Variants in KCNH8 observed in about 807,000 individuals in gnomAD.
The protein encoded by KCNH8 is voltage-gated delayed rectifier potassium channel KCNH8.
KCNH8 carries 70 observed loss-of-function variants against 103.6 expected under a neutral mutation model. The observed-to-expected ratio is 0.68, with a 90% CI of 0.56 to 0.82. The LOEUF (loss-of-function observed/expected upper bound fraction) is 0.82. Ranked by LOEUF, KCNH8 falls within the 40% of genes least tolerant of loss-of-function variation. The pLI is 0.00. For synonymous variants in KCNH8, 498 were observed against 489.4 expected (o/e 1.02, Z -0.23); for missense variants, 1,217 against 1,329.9 (o/e 0.92, Z 1.32).
At chr3:19,172,552 C>G (rs983489495) in intron 1 of KCNH8, among the ~76,000 whole-genome samples, 2 of 152,206 alleles carry the variant, frequency 1.3e-5, no homozygotes, top group African/African-American at 4.8e-5. Context: ...CTGTTGTCAT[C>G]TTTGTCATCA....
At chr3:19,272,518 G>A (rs2064603545) in intron 2 of KCNH8, among the ~76,000 whole-genome samples, 1 of 151,990 alleles carries the variant, frequency 6.6e-6, no homozygotes, top group African/African-American at 2.4e-5. Context: ...TCTGTTCCTA[G>A]GAAATGAGGA....
intron 11 of KCNH8, among the ~76,000 whole-genome samples, chr3:19,472,892 T>C (rs932580118): frequency 6.6e-6 from 1 of 152,206 alleles, no homozygotes; most frequent in Non-Finnish European, 1.5e-5. Flanking sequence ...GTCAACTGAA[T>C]ATTTAGTAGC....
At position 19,510,407 on chromosome 3, in the gene KCNH8, G is replaced by A. The variant is rs201126965; in HGVS notation, c.2079+6G>A. 49 of 1,549,888 alleles carry A rather than the reference G, an allele frequency of 3.2e-5. No homozygotes were observed. The highest frequency in any genetic ancestry group is 2.3e-4 in the Admixed American group (14 of 59,820). On this transcript the variant is annotated splice_donor_region_variant and intron_variant, in intron 12 of 15. Coordinates refer to ENST00000328405, the MANE Select transcript of KCNH8 (RefSeq NM_144633.3). The stretch of plus-strand genomic sequence containing the variant: ...ACAAATCTATGGTCTCACAGGTATG[G>A]CTTTTGCTACACAGCAAAATATTTA...
Position 19,316,687 on chromosome 3 carries a change from C to T in KCNH8, c.443-25900C>T, listed in dbSNP as rs150483478. ...TTGTATTATTGATTCTGCTCTTCAA[C>T]CAGAGATTGCATGCAGAGCAGCAAT... On this transcript the variant is annotated intron_variant, in intron 3 of 15. Coordinates refer to ENST00000328405, the MANE Select transcript of KCNH8 (RefSeq NM_144633.3). Among the ~76,000 whole-genome samples, 718 of 151,980 alleles carry T rather than the reference C, an allele frequency of 4.7e-3. 7 individuals are homozygous for T. Among genetic ancestry groups the T allele is most frequent in the African/African-American group, 0.016 (664 of 41,526 alleles).
chr3:19,374,583 T>G (rs1178836944), intron 5 of KCNH8, among the ~76,000 whole-genome samples: 1 of 152,226 alleles, frequency 6.6e-6, no homozygotes, highest in Non-Finnish European at 1.5e-5. Context: ...GTCTTTTAAT[T>G]GGAGCATTTA....
In KCNH8 at chr3:19,192,190, T is replaced by G. The variant is rs182103807; in HGVS notation, c.76+43395T>G. Among the ~76,000 whole-genome samples, 18 of 151,750 alleles carry G rather than the reference T, an allele frequency of 1.2e-4. No homozygotes were observed. In the East Asian group the frequency reaches 3.5e-3, roughly 29 times the overall value. ...CAATAACCTTCAACCGTTTATAGTT[T>G]TCTTGTATGTCCTAGAAAATGTGTT... is the stretch of plus-strand genomic sequence containing the variant. On this transcript the variant is annotated intron_variant, in intron 1 of 15. Transcript: ENST00000328405.
intron 7 of KCNH8, among the ~76,000 whole-genome samples, chr3:19,398,551 G>A (rs1392280714): frequency 6.6e-6 from 1 of 151,968 alleles, no homozygotes; most frequent in Non-Finnish European, 1.5e-5. Context: ...AAGCTTTAGA[G>A]TGTAGACTTC....
At chr3:19,151,961 T>C (rs2063134409) in intron 1 of KCNH8, among the ~76,000 whole-genome samples, 1 of 152,076 alleles carries the variant, frequency 6.6e-6, no homozygotes, top group African/African-American at 2.4e-5. Context: ...CTAAGAACCT[T>C]AGAAATCTTA....
intron 2 of KCNH8, among the ~76,000 whole-genome samples, chr3:19,279,375 G>A (rs2064723679): frequency 6.6e-6 from 1 of 152,054 alleles, no homozygotes; most frequent in African/African-American, 2.4e-5. Flanking sequence ...CTGGAGTGAA[G>A]GATGTGACAA....
intron 11 of KCNH8, among the ~76,000 whole-genome samples, chr3:19,461,669 GTTTC>G (rs781512560): frequency 3.9e-5 from 6 of 151,998 alleles, no homozygotes; most frequent in Admixed American, 2.0e-4. Flanking sequence ...CATGTTTTTT[GTTTC>G]TTTGTTATTA....
At position 19,258,905 on chromosome 3, in the gene KCNH8, T is replaced by TTCTCTC. The variant is rs755488116; in HGVS notation, c.310+5056_310+5061dup. 3.0e-3 allele frequency among the ~76,000 whole-genome samples: 131 copies of TTCTCTC among 43,058 alleles called. 2 individuals carry two copies. Among genetic ancestry groups the TTCTCTC allele is most frequent in the Admixed American group, 5.1e-3 (15 of 2,962 alleles). The allele number at this position is 43,058 out of a possible 152,430, so 28.2% of individuals were successfully genotyped here. A position where few individuals can be genotyped will look rare whatever the true frequency, so the allele number is the denominator to read the frequency against. Reference sequence around the variant, plus strand: ...AAATAACTTCATTTTTATTTTCTGTTTCTCTCTCTCTCTCTCTCTCTCTCT... The same window carrying TTCTCTC: ...AAATAACTTCATTTTTATTTTCTGTTTCTCTCTCTCTCTCTCTCTCTCTCTCTCTCT... On this transcript the variant is annotated intron_variant, in intron 2 of 15. Transcript: ENST00000328405.
At chr3:19,276,406 G>T (rs2064672700) in intron 2 of KCNH8, among the ~76,000 whole-genome samples, 2 of 151,898 alleles carry the variant, frequency 1.3e-5, no homozygotes, top group Non-Finnish European at 1.5e-5. Flanking sequence ...TGTTATTGTT[G>T]CTATAATTTC....
chr3:19,281,408 C>A, intron 3 of KCNH8, 79 bp downstream of exon 3: 1 of 1,357,678 alleles, frequency 7.4e-7, no homozygotes, highest in Non-Finnish European at 1.0e-6. Context: ...TGGAGAAAAA[C>A]ATGCATTTTT....
intron 1 of KCNH8, among the ~76,000 whole-genome samples, chr3:19,217,357 T>G (rs2063828108): frequency 6.6e-6 from 1 of 152,222 alleles, no homozygotes; most frequent in South Asian, 2.1e-4. Context: ...TAGTTATGAT[T>G]AGCATACATA....
At chr3:19,351,832 C>T (rs1246714452) in intron 5 of KCNH8, among the ~76,000 whole-genome samples, 10 of 152,208 alleles carry the variant, frequency 6.6e-5, no homozygotes, top group South Asian at 2.1e-4. Context: ...CGTCAACTAA[C>T]AAGCAAAATA....
rs1559333730 is a variant in KCNH8, at chr3:19,451,266, C to G, written c.1687C>G (p.Leu563Val). ...ECASRGCLRS[L>V]SLHIKTSFCA... is the part of the protein sequence containing the mutation. ...TGCCAGCCGGGGCTGCCTCAGGTCT[C>G]TGTCTCTACACATCAAAACCTCTTT... The change falls in exon 10 of 16, where the codon CTG (leucine) becomes GTG (valine). Residue 563 changes from leucine to valine, a missense_variant. By Grantham distance (32) the Leu-to-Val change is conservative. This residue lies in a region of KCNH8 where 415 missense variants were observed against 577.4 expected (regional missense o/e 0.72). Transcript: ENST00000328405. 6.2e-7 allele frequency: 1 copy of G among 1,613,998 alleles called. No individual in the cohort carries two copies. The highest frequency in any genetic ancestry group is 8.5e-7 in the Non-Finnish European group (1 of 1,179,922).
intron 11 of KCNH8, among the ~76,000 whole-genome samples, chr3:19,493,580 A>G (rs1019132840): frequency 3.9e-5 from 6 of 152,246 alleles, no homozygotes; most frequent in Middle Eastern, 3.4e-3. Context: ...TGAGTCAATT[A>G]TACCCCTTTT....
chr3:19,511,690 A>G (rs901234240), intron 12 of KCNH8, among the ~76,000 whole-genome samples: 35 of 152,284 alleles, frequency 2.3e-4, no homozygotes, highest in Middle Eastern at 3.4e-3. Context: ...AGCAAAAAAA[A>G]AGTATGCCCT....
intron 11 of KCNH8, among the ~76,000 whole-genome samples, chr3:19,482,467 C>T (rs773928585): frequency 5.9e-5 from 9 of 152,052 alleles, no homozygotes; most frequent in Non-Finnish European, 5.9e-5. Flanking sequence ...CAAGACAGAT[C>T]GATAGTAATT....
Sources: allele counts gnomAD v4.1 joint callset (sites outside exome capture counted in the v4.1 genomes callset), GRCh38; gene constraint gnomAD v4.1.1; regional missense constraint gnomAD v4.1.1; transcripts MANE v1.5; gene names NCBI Gene and HGNC (gene_info 2026-07-23, HGNC 2026-07-21).